Variants in BMS1 observed in about 807,000 individuals in gnomAD.
BMS1 encodes BMS1 ribosome biogenesis factor, also known as ribosome biogenesis protein BMS1 homolog.
Under a neutral mutation model 138.7 loss-of-function variants are expected in BMS1, and 53 were observed. The observed-to-expected ratio is 0.38, with a 90% CI of 0.31 to 0.48. The LOEUF (loss-of-function observed/expected upper bound fraction) is 0.48. Among genes scored for constraint, BMS1 ranks in the 20% least tolerant of loss-of-function variants. The pLI, the probability that BMS1 is intolerant of heterozygous loss-of-function variation, is 0.97. For missense variants in BMS1, 1,360 were observed against 1,565.5 expected, an observed-to-expected ratio of 0.87 and a Z score of 2.22; for synonymous variants, 504 against 539.9, an observed-to-expected ratio of 0.93 and a Z score of 0.92.
intron 14 of BMS1, 21 bp downstream of exon 14, chr10:42,816,693 G>A: frequency 6.3e-7 from 1 of 1,597,364 alleles, no homozygotes; most frequent in Non-Finnish European, 8.5e-7. Flanking sequence ...GTCGTAGCTG[G>A]CTGTTCTTGG....
intron 21 of BMS1, among the ~76,000 whole-genome samples, chr10:42,826,669 A>G (rs1437450274): frequency 6.6e-6 from 1 of 152,146 alleles, no homozygotes; most frequent in Non-Finnish European, 1.5e-5. Flanking sequence ...AGGGCAAGGT[A>G]CCCCAGTTCA....
Position 42,796,914 on chromosome 10 carries a change from A to G in BMS1, c.1670A>G (p.Gln557Arg). 1 of 1,614,230 alleles carries G rather than the reference A, an allele frequency of 6.2e-7. No individual in the cohort carries two copies. The highest frequency in any genetic ancestry group is 8.5e-7 in the Non-Finnish European group (1 of 1,180,042). ...GCAGGGCTGTCACCAGCTAATTGCC[A>G]GAGTGACCGTGTGAATCTGGAGAAG... ...SKAGLSPANC[Q>R]SDRVNLEKSL... is the part of the protein sequence containing the mutation. The change falls in exon 10 of 23, where the codon CAG becomes CGG. Residue 557 changes from glutamine (Q) to arginine (R), a missense_variant. Transcript: ENST00000374518.
At chr10:42,806,618 C>T (rs1240485189) in intron 13 of BMS1, among the ~76,000 whole-genome samples, 1 of 151,920 alleles carries the variant, frequency 6.6e-6, no homozygotes, top group Non-Finnish European at 1.5e-5. Flanking sequence ...GCCCGTAATC[C>T]TAGCTACTCA....
At chr10:42,783,906 T>G (rs1841241947) in intron 1 of BMS1, among the ~76,000 whole-genome samples, 1 of 152,254 alleles carries the variant, frequency 6.6e-6, no homozygotes, top group Non-Finnish European at 1.5e-5. Flanking sequence ...AGGAAACCAC[T>G]TCATCAGTCC....
At chr10:42,819,196 A>C (rs560105481) in intron 15 of BMS1, among the ~76,000 whole-genome samples, 1 of 152,292 alleles carries the variant, frequency 6.6e-6, no homozygotes, top group Admixed American at 6.5e-5. Flanking sequence ...TGTTGGAATA[A>C]AGTCCAGGAA....
chr10:42,787,081 T>C lies in BMS1; in HGVS notation c.368-87T>C, dbSNP rs188002244. On this transcript the variant is annotated intron_variant, in intron 3 of 22. Coordinates refer to ENST00000374518, the MANE Select transcript of BMS1 (RefSeq NM_014753.4). ...TAAATGTATATGATGTTTTACTGGA[T>C]GCAGTTAAAAAATGAAAATTAAGAG... 457 of 848,578 alleles carry C rather than the reference T, an allele frequency of 5.4e-4. 3 individuals are homozygous for C. In the East Asian group the frequency reaches 0.011, roughly 20 times the overall value. 52.6% of individuals were successfully genotyped at this position (848,578 alleles called of 1,614,324 possible). A position where few individuals can be genotyped will look rare whatever the true frequency, so the allele number is the denominator to read the frequency against.
intron 13 of BMS1, among the ~76,000 whole-genome samples, chr10:42,807,252 A>G (rs545560379): frequency 2.2e-4 from 33 of 152,266 alleles, no homozygotes; most frequent in African/African-American, 7.2e-4. Flanking sequence ...TGTTTCTACA[A>G]TTTTGTCATC....
chr10:42,789,430 A>G (rs1283291554), intron 4 of BMS1, among the ~76,000 whole-genome samples: 1 of 152,198 alleles, frequency 6.6e-6, no homozygotes, highest in Non-Finnish European at 1.5e-5. Flanking sequence ...ATTTTTAGTT[A>G]TCTATGCAAA....
intron 11 of BMS1, 21 bp downstream of exon 11, chr10:42,797,544 A>G (rs773648206): frequency 1.9e-6 from 3 of 1,607,740 alleles, no homozygotes; most frequent in African/African-American, 2.7e-5. Flanking sequence ...CTGGTTCAGA[A>G]CTAGAAATGT....
chr10:42,806,561 C>T (rs2132340960), intron 13 of BMS1, among the ~76,000 whole-genome samples: 1 of 152,030 alleles, frequency 6.6e-6, no homozygotes, highest in East Asian at 1.9e-4. Flanking sequence ...ATGGTGAAAC[C>T]CCGTCTCTAC....
intron 13 of BMS1, among the ~76,000 whole-genome samples, chr10:42,812,671 A>G (rs1279993171): frequency 6.6e-6 from 1 of 152,174 alleles, no homozygotes; most frequent in African/African-American, 2.4e-5. Context: ...AGAGGAGGAC[A>G]CTGCATGCCA....
intron 9 of BMS1, 141 bp from the exon 10 acceptor site, chr10:42,796,333 C>G: frequency 9.6e-7 from 1 of 1,036,934 alleles, no homozygotes; most frequent in Non-Finnish European, 1.4e-6. Flanking sequence ...TTTATCAAAT[C>G]ATATTTTCCC....
chr10:42,830,952 G>A lies in BMS1; in HGVS notation c.3705G>A (p.Glu1235=), dbSNP rs369962224. The stretch of plus-strand genomic sequence containing the variant: ...AGCAGCGGCACCTGCACAATAAAGA[G>A]CACTTCAGAGCCAAGCAGAAGGAGG... ...AKEQRHLHNK[E]HFRAKQKEEE... The change falls in exon 23 of 23, where the codon GAG becomes GAA. Residue 1235 remains glutamate (E), a synonymous_variant. Transcript: ENST00000374518. 1.6e-4 allele frequency: 260 copies of A among 1,610,766 alleles called. 1 individual carries two copies. The South Asian group carries it at 2.2e-3, about 14-fold the overall frequency.
chr10:42,823,529 A>G (rs1842559641), intron 20 of BMS1, 80 bp from the exon 21 acceptor site: 4 of 1,356,698 alleles, frequency 2.9e-6, no homozygotes, highest in Non-Finnish European at 2.9e-6. Flanking sequence ...TTTGGAGTGA[A>G]GGTTTTATTC....
At chr10:42,811,841 A>G (rs912968255) in intron 13 of BMS1, among the ~76,000 whole-genome samples, 1 of 152,062 alleles carries the variant, frequency 6.6e-6, no homozygotes, top group Non-Finnish European at 1.5e-5. Context: ...TTGTATTTTC[A>G]TTCATATTTC....
chr10:42,816,158 G>T (rs1465810478), intron 13 of BMS1, among the ~76,000 whole-genome samples: 1 of 152,102 alleles, frequency 6.6e-6, no homozygotes, highest in Non-Finnish European at 1.5e-5. Flanking sequence ...AATTAGCCAG[G>T]CTTGGTGGCG....
intron 10 of BMS1, 44 bp downstream of exon 10, chr10:42,797,275 G>A (rs751099213): frequency 1.0e-5 from 16 of 1,580,070 alleles, no homozygotes; most frequent in East Asian, 6.7e-5. Flanking sequence ...CTTGGCTCTC[G>A]AAATGGTAAC....
Position 42,833,079 on chromosome 10 carries a change from A to T in BMS1, c.*1983A>T, listed in dbSNP as rs986598507. On this transcript the variant is annotated 3_prime_UTR_variant, in exon 23 of 23. Transcript: ENST00000374518. ...TTGTATAGTTTTATATTTTAGCCAG[A>T]AGAGTGGAATCCTTTAGCAATGGGG... The T allele has an allele frequency of 6.6e-6, 1 of 152,216 alleles. No individual in the cohort carries two copies. The highest frequency in any genetic ancestry group is 1.5e-5 in the Non-Finnish European group (1 of 68,046). 9.4% of individuals were successfully genotyped at this position (152,216 alleles called of 1,614,324 possible).
rs370528747 is a variant in BMS1, at chr10:42,784,507, G to A, written c.113G>A (p.Arg38Gln). Residue 38 changes from arginine (R) to glutamine (Q), a missense_variant, in exon 2 of 23, where the codon CGG (arginine) becomes CAG (glutamine). Physicochemically the swap from Arg to Gln is conservative, Grantham distance 43. Coordinates refer to ENST00000374518, the MANE Select transcript of BMS1 (RefSeq NM_014753.4). The part of the protein sequence containing the change: ...DLQLGDEEDA[R>Q]KRNPKAFAVQ... Reference sequence around the variant, plus strand: ...CAGCTAGGAGACGAAGAAGATGCCCGGAAGAGAAATCCCAAAGCTTTTGCA... The same window carrying A: ...CAGCTAGGAGACGAAGAAGATGCCCAGAAGAGAAATCCCAAAGCTTTTGCA... 15 of 1,613,844 alleles carry A rather than the reference G, an allele frequency of 9.3e-6. No individual in the cohort carries two copies. The highest frequency in any genetic ancestry group is 2.2e-5 in the East Asian group (1 of 44,904).
Sources: gnomAD v4.1 joint callset for allele counts (sites outside exome capture counted in the v4.1 genomes callset) on GRCh38, gnomAD v4.1.1 for gene constraint, MANE v1.5 for transcripts, NCBI Gene and HGNC (gene_info 2026-07-23, HGNC 2026-07-21) for gene names.